NTM: variants seen among roughly 807,000 people sequenced by gnomAD.
The protein encoded by NTM is neurotrimin.
Under a neutral mutation model 42.1 loss-of-function variants are expected in NTM, and 13 were observed. The observed-to-expected ratio is 0.31, with a 90% CI of 0.20 to 0.49. The LOEUF is 0.49. NTM is among the 20% of genes least tolerant of loss of function. The pLI is 0.99. For synonymous variants in NTM, 187 were observed against 179.2 expected, an observed-to-expected ratio of 1.04 and a Z score of -0.35; for missense variants, 373 against 452.8, an observed-to-expected ratio of 0.82 and a Z score of 1.60.
intron 2 of NTM, among the ~76,000 whole-genome samples, chr11:131,966,563 G>A (rs545765354): frequency 2.6e-5 from 4 of 152,134 alleles, no homozygotes; most frequent in African/African-American, 4.8e-5. Context: ...AATGATTAAC[G>A]CATTTTCCTA....
intron 2 of NTM, among the ~76,000 whole-genome samples, chr11:131,990,161 A>G (rs2066770568): frequency 6.6e-6 from 1 of 152,078 alleles, no homozygotes; most frequent in Non-Finnish European, 1.5e-5. Context: ...GGCTGGAATT[A>G]TTTTTAAACG....
At chr11:132,193,605 T>C (rs1220221600) in intron 3 of NTM, among the ~76,000 whole-genome samples, 2 of 151,998 alleles carry the variant, frequency 1.3e-5, no homozygotes, top group Middle Eastern at 3.4e-3. Context: ...CTAGAAGAAC[T>C]AGTAAAACAA....
At chr11:131,787,862 A>G (rs1007879661) in intron 1 of NTM, among the ~76,000 whole-genome samples, 1 of 152,136 alleles carries the variant, frequency 6.6e-6, no homozygotes, top group Non-Finnish European at 1.5e-5. Context: ...TTTCTAGATG[A>G]ATTTTGGTAG....
chr11:132,317,538 C>A, intron 7 of NTM: 1 of 445,712 alleles, frequency 2.2e-6, no homozygotes, highest in Non-Finnish European at 3.8e-6. Context: ...TATATAATCC[C>A]CCAGAAATGT....
At chr11:132,158,047 G>C (rs904529735) in intron 3 of NTM, among the ~76,000 whole-genome samples, 2 of 152,164 alleles carry the variant, frequency 1.3e-5, no homozygotes, top group East Asian at 1.9e-4. Flanking sequence ...CCTATCGTCT[G>C]TTCTCCATGC....
intron 1 of NTM, among the ~76,000 whole-genome samples, chr11:131,523,155 G>A (rs75540554): frequency 0.023 from 3,500 of 152,280 alleles, 149 homozygotes; most frequent in African/African-American, 0.08. Flanking sequence ...AGTGGCCAGG[G>A]AGCATGAGAT....
At chr11:131,665,055 CT>C (rs1317234810) in intron 1 of NTM, among the ~76,000 whole-genome samples, 1 of 152,132 alleles carries the variant, frequency 6.6e-6, no homozygotes, top group East Asian at 1.9e-4. Flanking sequence ...GAACCGTGCT[CT>C]AAATGCCATC....
At chr11:132,310,052 A>C in intron 5 of NTM, 60 bp from the exon 6 acceptor site, 9 of 1,473,854 alleles carry the variant, frequency 6.1e-6, no homozygotes, top group Non-Finnish European at 8.1e-6. Flanking sequence ...GCAAGACTCC[A>C]TCTCAAAAAA....
chr11:131,966,291 CT>C (rs1456480112), intron 2 of NTM, among the ~76,000 whole-genome samples: 1 of 152,134 alleles, frequency 6.6e-6, no homozygotes, highest in African/African-American at 2.4e-5. Flanking sequence ...TGAATAGGCA[CT>C]GCTAAAGGAG....
rs151234409 is a variant in NTM, at chr11:132,173,358, G to A, written c.400+26844G>A. Among the ~76,000 whole-genome samples, 371 of 152,282 alleles carry A rather than the reference G, an allele frequency of 2.4e-3. 2 individuals carry two copies. The highest frequency in any genetic ancestry group is 8.3e-3 in the African/African-American group (344 of 41,548). On this transcript the variant is annotated intron_variant, in intron 3 of 8. Transcript: ENST00000683400. ...CTGTGATTGTCCATGAGTGTGCAGC[G>A]AAGTGGGGTCTCCGGAATTCTGTTC... is the stretch of plus-strand genomic sequence containing the variant.
At chr11:131,864,287 G>A (rs573051742) in intron 1 of NTM, among the ~76,000 whole-genome samples, 1 of 151,820 alleles carries the variant, frequency 6.6e-6, no homozygotes, top group East Asian at 2.0e-4. Flanking sequence ...AGTGTGGAGC[G>A]ACTCCTTTGC....
chr11:131,816,224 A>G (rs895915714), intron 1 of NTM, among the ~76,000 whole-genome samples: 2 of 152,208 alleles, frequency 1.3e-5, no homozygotes, highest in African/African-American at 4.8e-5. Flanking sequence ...TCTGAGGCTC[A>G]GTCACTCATC....
chr11:132,317,965 C>T (rs1351607485), intron 7 of NTM, among the ~76,000 whole-genome samples: 1 of 152,174 alleles, frequency 6.6e-6, no homozygotes, highest in Non-Finnish European at 1.5e-5. Context: ...AGCACAAAGG[C>T]AAAGGGTAGA....
chr11:131,422,968 C>A (rs1305149056), intron 1 of NTM, among the ~76,000 whole-genome samples: 3 of 152,192 alleles, frequency 2.0e-5, no homozygotes, highest in African/African-American at 7.2e-5. Flanking sequence ...ACAAGATCTA[C>A]TTTTGCTGAG....
At chr11:131,829,137 A>C (rs543599695) in intron 1 of NTM, among the ~76,000 whole-genome samples, 1 of 150,652 alleles carries the variant, frequency 6.6e-6, no homozygotes, top group Admixed American at 6.7e-5. Context: ...AATTCTCCCT[A>C]TCATTTCAGA....
At chr11:131,564,794 G>A (rs977128558) in intron 1 of NTM, among the ~76,000 whole-genome samples, 7 of 152,042 alleles carry the variant, frequency 4.6e-5, no homozygotes, top group African/African-American at 1.2e-4. Flanking sequence ...TTCTTCAGAC[G>A]TTGCTCCCTG....
intron 2 of NTM, among the ~76,000 whole-genome samples, chr11:132,016,239 G>C (rs1375661451): frequency 6.6e-6 from 1 of 151,668 alleles, no homozygotes. Flanking sequence ...AACAATCAAT[G>C]ATTTTTTAAA....
chr11:132,243,950 C>T (rs1395579389), intron 4 of NTM, among the ~76,000 whole-genome samples: 2 of 152,184 alleles, frequency 1.3e-5, no homozygotes, highest in Non-Finnish European at 1.5e-5. Context: ...AAAGGGTCCC[C>T]AGGTTCATTT....
intron 4 of NTM, among the ~76,000 whole-genome samples, chr11:132,225,828 A>G (rs953300411): frequency 6.6e-6 from 1 of 152,106 alleles, no homozygotes; most frequent in African/African-American, 2.4e-5. Flanking sequence ...CATCATGTAC[A>G]TTAGGTATTT....
Sources: gnomAD v4.1 joint callset for allele counts (sites outside exome capture counted in the v4.1 genomes callset) on GRCh38, gnomAD v4.1.1 for gene constraint, MANE v1.5 for transcripts, NCBI Gene and HGNC (gene_info 2026-07-23, HGNC 2026-07-21) for gene names.